The following NRXN3 variants were observed in gnomAD, a reference collection of about 807,000 sequenced individuals.
The protein encoded by NRXN3 is neurexin 3, also known as neurexin III.
NRXN3 carries 32 observed loss-of-function variants against 137.6 expected under a neutral mutation model. The observed-to-expected ratio is 0.23, with a 90% CI of 0.18 to 0.31. The LOEUF is 0.31. NRXN3 is among the 10% of genes least tolerant of loss of function. NRXN3 has a pLI of 1.00. For missense variants in NRXN3, 1,574 were observed against 2,062.5 expected (o/e 0.76, Z 4.59); for synonymous variants, 798 against 784.5 (o/e 1.02, Z -0.29).
chr14:78,213,491 C>A (rs1466142395), intron 1 of NRXN3, among the ~76,000 whole-genome samples: 1 of 152,164 alleles, frequency 6.6e-6, no homozygotes, highest in African/African-American at 2.4e-5. Context: ...AGAGCCTCCT[C>A]TGCAGCCCAG....
At chr14:79,676,736 T>A (rs2154006253) in intron 17 of NRXN3, among the ~76,000 whole-genome samples, 1 of 152,106 alleles carries the variant, frequency 6.6e-6, no homozygotes, top group African/African-American at 2.4e-5. Flanking sequence ...AATATATACT[T>A]TTTTTAAAAG....
intron 19 of NRXN3, among the ~76,000 whole-genome samples, chr14:79,774,693 A>AT: frequency 6.6e-6 from 1 of 152,198 alleles, no homozygotes; most frequent in East Asian, 1.9e-4. Context: ...CCAAAAGATT[A>AT]TTTTTTATGG....
intron 16 of NRXN3, among the ~76,000 whole-genome samples, chr14:79,580,521 T>C (rs780821989): frequency 6.6e-5 from 10 of 152,082 alleles, no homozygotes; most frequent in Non-Finnish European, 1.0e-4. Flanking sequence ...GTAGGATATA[T>C]TCTGAGGAAG....
At chr14:78,904,111 A>T (rs943534042) in intron 10 of NRXN3, among the ~76,000 whole-genome samples, 1 of 152,092 alleles carries the variant, frequency 6.6e-6, no homozygotes, top group African/African-American at 2.4e-5. Flanking sequence ...TGTCAAGATT[A>T]TTCAGATAGT....
intron 20 of NRXN3, among the ~76,000 whole-genome samples, chr14:79,840,729 G>A (rs904777262): frequency 6.6e-6 from 1 of 152,086 alleles, no homozygotes; most frequent in African/African-American, 2.4e-5. Context: ...ATAAACTAAA[G>A]CATTTAACAC....
rs372392811 is a variant in NRXN3 at position 78,651,341 on chromosome 14, A to G, written c.1221+15A>G. ...GCCTTAAAGAGGTAAAGTTCACCCA[A>G]TTCTATTTAATGCACCATGTGATTG... is the stretch of plus-strand genomic sequence containing the variant. On this transcript the variant is annotated intron_variant, in intron 6 of 20. Transcript: ENST00000335750. The G allele has an allele frequency of 2.4e-4, 389 of 1,612,526 alleles. 1 individual carries two copies. The highest frequency in any genetic ancestry group is 4.3e-4 in the Admixed American group (26 of 59,894).
At chr14:79,023,424 G>A (rs1227719986) in intron 15 of NRXN3, among the ~76,000 whole-genome samples, 1 of 152,048 alleles carries the variant, frequency 6.6e-6, no homozygotes, top group East Asian at 1.9e-4. Flanking sequence ...CTGAAAAAAA[G>A]CAAAGCAGGT....
chr14:79,726,021 A>G (rs985844791), intron 19 of NRXN3, among the ~76,000 whole-genome samples: 2 of 152,146 alleles, frequency 1.3e-5, no homozygotes, highest in Non-Finnish European at 2.9e-5. Flanking sequence ...GATGGAGTGA[A>G]ATCAGACACA....
At chr14:79,106,034 T>C (rs1264894303) in intron 15 of NRXN3, among the ~76,000 whole-genome samples, 5 of 152,094 alleles carry the variant, frequency 3.3e-5, no homozygotes, top group Non-Finnish European at 7.4e-5. Context: ...AATTAACATA[T>C]ATTGGGTGCC....
chr14:79,275,663 A>G (rs577287541), intron 15 of NRXN3, among the ~76,000 whole-genome samples: 1 of 148,422 alleles, frequency 6.7e-6, no homozygotes, highest in South Asian at 2.1e-4. Context: ...AGACCAAAAC[A>G]AGATAAAGGG....
At chr14:78,275,518 T>G (rs1313307026) in intron 2 of NRXN3, among the ~76,000 whole-genome samples, 2 of 152,210 alleles carry the variant, frequency 1.3e-5, no homozygotes, top group Non-Finnish European at 2.9e-5. Context: ...TTTTCTTCTA[T>G]GCTCCCCATA....
chr14:78,917,344 A>C (rs2099258131), intron 10 of NRXN3, among the ~76,000 whole-genome samples: 1 of 152,200 alleles, frequency 6.6e-6, no homozygotes, highest in Non-Finnish European at 1.5e-5. Flanking sequence ...GAGCAGAAAA[A>C]ATAACTATTG....
At chr14:78,434,724 A>G (rs1229040690) in intron 4 of NRXN3, among the ~76,000 whole-genome samples, 3 of 152,148 alleles carry the variant, frequency 2.0e-5, no homozygotes, top group South Asian at 2.1e-4. Context: ...ATGATGAATA[A>G]AAAGAATACT....
At chr14:79,526,370 T>G (rs2097120684) in intron 16 of NRXN3, among the ~76,000 whole-genome samples, 1 of 152,134 alleles carries the variant, frequency 6.6e-6, no homozygotes, top group African/African-American at 2.4e-5. Flanking sequence ...TTAAAAAAAT[T>G]TTTTTGCAGA....
chr14:78,451,201 G>A (rs551997051), intron 4 of NRXN3, among the ~76,000 whole-genome samples: 12 of 152,290 alleles, frequency 7.9e-5, no homozygotes, highest in African/African-American at 2.9e-4. Context: ...AGAATTGGAC[G>A]TTTCTGAGTT....
chr14:79,324,729 C>A (rs1031880948), intron 15 of NRXN3, among the ~76,000 whole-genome samples: 1 of 152,090 alleles, frequency 6.6e-6, no homozygotes, highest in Non-Finnish European at 1.5e-5. Flanking sequence ...TAAAAGAGAA[C>A]GTCTGTGGAG....
chr14:79,681,272 G>C (rs1483132317), intron 17 of NRXN3, among the ~76,000 whole-genome samples: 1 of 152,094 alleles, frequency 6.6e-6, no homozygotes, highest in African/African-American at 2.4e-5. Flanking sequence ...ATCCTCATAG[G>C]AGATAGTGTT....
chr14:79,310,873 C>T (rs2087134473), intron 15 of NRXN3, among the ~76,000 whole-genome samples: 1 of 90,794 alleles, frequency 1.1e-5, no homozygotes, highest in Non-Finnish European at 2.0e-5. Flanking sequence ...ATCATGTCGT[C>T]TGCAAACAGG....
At chr14:79,004,078 G>C (rs2152348981) in intron 15 of NRXN3, among the ~76,000 whole-genome samples, 1 of 152,224 alleles carries the variant, frequency 6.6e-6, no homozygotes, top group East Asian at 1.9e-4. Context: ...GTGTTTCTGA[G>C]AACAAACACA....
Sources: gnomAD v4.1 joint callset for allele counts (sites outside exome capture counted in the v4.1 genomes callset) on GRCh38, gnomAD v4.1.1 for gene constraint, MANE v1.5 for transcripts, NCBI Gene and HGNC (gene_info 2026-07-23, HGNC 2026-07-21) for gene names.